ZNF521: variants seen among roughly 807,000 people sequenced by gnomAD.
ZNF521 encodes LYST-interacting protein 3.
In ZNF521, 14 loss-of-function variants were observed where a neutral mutation model predicts 105.5. The observed-to-expected ratio is 0.13, with a 90% CI of 0.09 to 0.21. ZNF521 has a LOEUF of 0.21. Ranked by LOEUF, ZNF521 falls within the 10% of genes least tolerant of loss-of-function variation. The pLI is 1.00. For missense variants in ZNF521, 1,233 were observed against 1,629.7 expected, an observed-to-expected ratio of 0.76 and a Z score of 4.19; for synonymous variants, 635 against 606.0, an observed-to-expected ratio of 1.05 and a Z score of -0.70.
chr18:25,300,903 C>CA (rs771153733), intron 3 of ZNF521, among the ~76,000 whole-genome samples: 2 of 152,110 alleles, frequency 1.3e-5, no homozygotes, highest in Non-Finnish European at 2.9e-5. Flanking sequence ...TGGTGAGAAA[C>CA]ATTTATGTTT....
chr18:25,119,410 A>T (rs1358483125), intron 5 of ZNF521, among the ~76,000 whole-genome samples: 1 of 152,184 alleles, frequency 6.6e-6, no homozygotes, highest in Admixed American at 6.5e-5. Flanking sequence ...GATTGACCAT[A>T]TGTTCACCCA....
intron 3 of ZNF521, among the ~76,000 whole-genome samples, chr18:25,244,885 T>C (rs924247155): frequency 6.6e-6 from 1 of 152,248 alleles, no homozygotes; most frequent in Non-Finnish European, 1.5e-5. Flanking sequence ...TCTACCAACC[T>C]TATATATTTA....
intron 5 of ZNF521, among the ~76,000 whole-genome samples, chr18:25,092,821 T>C (rs1394996707): frequency 6.6e-6 from 1 of 152,230 alleles, no homozygotes; most frequent in Non-Finnish European, 1.5e-5. Flanking sequence ...TGTCATAACA[T>C]TGCTATATAA....
At chr18:25,293,263 C>A (rs963091329) in intron 3 of ZNF521, among the ~76,000 whole-genome samples, 4 of 151,894 alleles carry the variant, frequency 2.6e-5, no homozygotes, top group Non-Finnish European at 1.5e-5. Context: ...AGATTATTAG[C>A]AAACACTCCT....
At chr18:25,100,497 G>T (rs2033945530) in intron 5 of ZNF521, among the ~76,000 whole-genome samples, 1 of 150,446 alleles carries the variant, frequency 6.6e-6, no homozygotes, top group Admixed American at 6.6e-5. Context: ...GCACATGGGG[G>T]TGTTAAGGGG....
intron 5 of ZNF521, among the ~76,000 whole-genome samples, chr18:25,138,613 A>C (rs927346744): frequency 2.0e-5 from 3 of 152,334 alleles, no homozygotes; most frequent in Admixed American, 1.3e-4. Flanking sequence ...ACCATCTCAA[A>C]GCTAATGAAC....
At chr18:25,346,966 T>A (rs1375515550) in intron 2 of ZNF521, among the ~76,000 whole-genome samples, 1 of 152,178 alleles carries the variant, frequency 6.6e-6, no homozygotes, top group African/African-American at 2.4e-5. Flanking sequence ...GTGGACCACT[T>A]TTTCCTTTTT....
intron 5 of ZNF521, among the ~76,000 whole-genome samples, chr18:25,168,190 A>G (rs547798646): frequency 6.6e-6 from 1 of 152,224 alleles, no homozygotes; most frequent in Admixed American, 6.5e-5. Context: ...GGTGGAGAAT[A>G]AAAAGTTCCA....
chr18:25,141,535 A>G (rs45446601), intron 5 of ZNF521, among the ~76,000 whole-genome samples: 41,759 of 152,158 alleles, frequency 0.27, 6,475 homozygotes, highest in Non-Finnish European at 0.35. Flanking sequence ...CTTCAGTTGA[A>G]TAAGTCTCTA....
intron 3 of ZNF521, among the ~76,000 whole-genome samples, chr18:25,260,091 CTG>C (rs1209451441): frequency 6.6e-6 from 1 of 152,190 alleles, no homozygotes; most frequent in Non-Finnish European, 1.5e-5. Context: ...TTGGGAAACA[CTG>C]AGAGCTTTTG....
chr18:25,194,173 C>T (rs2035865139), intron 5 of ZNF521, among the ~76,000 whole-genome samples: 3 of 151,588 alleles, frequency 2.0e-5, no homozygotes, highest in African/African-American at 7.3e-5. Context: ...ATTTTCTTTC[C>T]TGTCTTACAG....
intron 2 of ZNF521, among the ~76,000 whole-genome samples, chr18:25,338,131 T>C (rs1354843307): frequency 3.3e-5 from 5 of 152,140 alleles, no homozygotes; most frequent in Non-Finnish European, 7.3e-5. Context: ...GGAACAGATA[T>C]TTAAGGAACA....
intron 4 of ZNF521, among the ~76,000 whole-genome samples, chr18:25,223,217 T>C (rs1905851430): frequency 6.6e-6 from 1 of 152,224 alleles, no homozygotes; most frequent in Admixed American, 6.5e-5. Flanking sequence ...ATTTCATGTA[T>C]TTAAATGAGA....
intron 3 of ZNF521, among the ~76,000 whole-genome samples, chr18:25,273,089 C>T (rs998526887): frequency 4.9e-4 from 74 of 150,838 alleles, no homozygotes; most frequent in African/African-American, 1.8e-3. Context: ...TAGCCAGGCA[C>T]GATGACATGC....
At chr18:25,348,903 G>A (rs1220016024) in intron 2 of ZNF521, among the ~76,000 whole-genome samples, 1 of 152,076 alleles carries the variant, frequency 6.6e-6, no homozygotes, top group Non-Finnish European at 1.5e-5. Context: ...AAAATCCTAC[G>A]TGCATGAGAA....
intron 2 of ZNF521, among the ~76,000 whole-genome samples, chr18:25,337,169 A>G (rs1913939899): frequency 6.6e-6 from 1 of 152,206 alleles, no homozygotes; most frequent in Non-Finnish European, 1.5e-5. Flanking sequence ...GGACACAGAG[A>G]TGGAGGTGGG....
intron 5 of ZNF521, among the ~76,000 whole-genome samples, chr18:25,194,500 T>C (rs112133296): frequency 2.2e-4 from 34 of 151,842 alleles, no homozygotes; most frequent in African/African-American, 7.9e-4. Flanking sequence ...AAAAATATCC[T>C]TTTGGTTTTA....
intron 5 of ZNF521, among the ~76,000 whole-genome samples, chr18:25,160,371 A>G (rs2035228331): frequency 6.6e-6 from 1 of 152,190 alleles, no homozygotes; most frequent in African/African-American, 2.4e-5. Context: ...GGGTGAATGA[A>G]TGATGCACAT....
At chr18:25,350,030 A>C (rs1042440545) in intron 2 of ZNF521, among the ~76,000 whole-genome samples, 136 of 151,636 alleles carry the variant, frequency 9.0e-4, no homozygotes, top group East Asian at 2.2e-3. Flanking sequence ...AAGGTGGAGG[A>C]GGCGGCCGAG....
Sources: gnomAD v4.1 joint callset for allele counts (sites outside exome capture counted in the v4.1 genomes callset) on GRCh38, gnomAD v4.1.1 for gene constraint, MANE v1.5 for transcripts, NCBI Gene and HGNC (gene_info 2026-07-23, HGNC 2026-07-21) for gene names.